The following ZNF662 variants were observed in gnomAD, a reference collection of about 807,000 sequenced individuals.
The protein encoded by ZNF662 is zinc finger protein 662.
ZNF662 carries 14 observed loss-of-function variants against 12.4 expected under a neutral mutation model. The observed-to-expected ratio is 1.13, with a 90% CI of 0.75 to 1.77. ZNF662 has a LOEUF of 1.77. Among genes scored for constraint, ZNF662 ranks in the 40% most tolerant of loss-of-function variants. The pLI, the probability that ZNF662 is intolerant of heterozygous loss-of-function variation, is 0.00. For missense variants in ZNF662, 550 were observed against 515.6 expected, an observed-to-expected ratio of 1.07 and a Z score of -0.65; for synonymous variants, 184 against 176.4, an observed-to-expected ratio of 1.04 and a Z score of -0.34.
Position 42,915,112 on chromosome 3 carries a change from C to A in ZNF662, c.1039C>A (p.Leu347Ile). ...GAAGGGCTTCATGTGGAACTCAGAT[C>A]TTTCTCAGCACCAGAGGGTCCACAC... ...CGKGFMWNSD[L>I]SQHQRVHTGD... is the part of the protein sequence containing the mutation. The change falls in exon 5 of 5, where the codon CTT (leucine) becomes ATT (isoleucine). Residue 347 changes from leucine (L) to isoleucine (I), a missense_variant. Leu to Ile is a conservative substitution (Grantham distance 5). Coordinates refer to ENST00000440367, the MANE Select transcript of ZNF662 (RefSeq NM_207404.4). The A allele has an allele frequency of 6.2e-7, 1 of 1,614,106 alleles. No homozygotes were observed. Among genetic ancestry groups the A allele is most frequent in the Non-Finnish European group, 8.5e-7 (1 of 1,180,012 alleles).
intron 3 of ZNF662, among the ~76,000 whole-genome samples, 153 bp downstream of exon 3, chr3:42,909,062 TA>T (rs905876858): frequency 1.6e-4 from 25 of 152,340 alleles, no homozygotes; most frequent in African/African-American, 5.5e-4. Flanking sequence ...CTTCTTTTTT[TA>T]AAAAAATTTT....
chr3:42,913,771 T>C (rs2088860886), intron 4 of ZNF662, among the ~76,000 whole-genome samples: 1 of 151,460 alleles, frequency 6.6e-6, no homozygotes, highest in Admixed American at 6.6e-5. Flanking sequence ...GAGGAGGGAG[T>C]CTTTTCCGAG....
rs2088718062 is a variant in ZNF662, at chr3:42,908,583, A to G, written c.35-210A>G. The G allele has an allele frequency of 5.0e-6, 7 of 1,400,734 alleles. No individual in the cohort carries two copies. The South Asian group carries it at 1.2e-4, about 23-fold the overall frequency. 86.8% of individuals were successfully genotyped at this position (1,400,734 alleles called of 1,614,324 possible). On this transcript the variant is annotated intron_variant, in intron 2 of 4. Coordinates refer to ENST00000440367, the MANE Select transcript of ZNF662 (RefSeq NM_207404.4). Reference sequence around the variant, plus strand: ...AGTGAAATCATCCATTTGCTGACTCAAACAGTTACTGAGTCGTCTGTCAAC... The same window carrying G: ...AGTGAAATCATCCATTTGCTGACTCGAACAGTTACTGAGTCGTCTGTCAAC...
At chr3:42,910,160 G>A (rs1225321498) in intron 3 of ZNF662, among the ~76,000 whole-genome samples, 1 of 152,102 alleles carries the variant, frequency 6.6e-6, no homozygotes, top group Non-Finnish European at 1.5e-5. Flanking sequence ...AGACCAGCCC[G>A]GCCAACACGG....
At chr3:42,913,655 TATCCTGGAA>T (rs2088859346) in intron 4 of ZNF662, among the ~76,000 whole-genome samples, 1 of 152,202 alleles carries the variant, frequency 6.6e-6, no homozygotes. Flanking sequence ...ATATGGCCCT[TATCCTGGAA>T]GGACTCACAG....
Position 42,908,146 on chromosome 3 carries a change from T to C in ZNF662, c.32T>C (p.Leu11Pro). The change falls in exon 2 of 5, where the codon CTG becomes CCG. Residue 11 changes from leucine to proline, a missense_variant and splice_region_variant. Physicochemically the swap from Leu to Pro is moderately conservative, Grantham distance 98. Transcript: ENST00000440367. MLENYGAVAS[L>P]AAFPFPKPAL... Reference sequence around the variant, plus strand: ...GAGAATTATGGGGCTGTGGCTTCCCTGGGTAAGGGTCTCTCCCTTTGGGCC... The same window carrying C: ...GAGAATTATGGGGCTGTGGCTTCCCCGGGTAAGGGTCTCTCCCTTTGGGCC... 6.2e-7 allele frequency: 1 copy of C among 1,612,896 alleles called. No homozygotes were observed. The highest frequency in any genetic ancestry group is 8.5e-7 in the Non-Finnish European group (1 of 1,179,106).
At chr3:42,912,227 AAT>A (rs990914095) in intron 3 of ZNF662, among the ~76,000 whole-genome samples, 2 of 134,732 alleles carry the variant, frequency 1.5e-5, no homozygotes, top group African/African-American at 5.5e-5. Context: ...ATATAAATAA[AAT>A]ATATATAAAT....
Position 42,908,779 on chromosome 3 carries a change from T to C in ZNF662, c.35-14T>C. ...ATGCCACTCACCTGCCTGTCCCATT[T>C]CTTTCCTTTTAAGCAGCATTTCCAT... On this transcript the variant is annotated splice_polypyrimidine_tract_variant and intron_variant, in intron 2 of 4. Transcript: ENST00000440367. 2.5e-6 allele frequency: 4 copies of C among 1,612,704 alleles called. No homozygotes were observed. The highest frequency in any genetic ancestry group is 3.4e-6 in the Non-Finnish European group (4 of 1,178,810).
chr3:42,910,663 T>G (rs1476076246), intron 3 of ZNF662, among the ~76,000 whole-genome samples: 1 of 152,186 alleles, frequency 6.6e-6, no homozygotes, highest in African/African-American at 2.4e-5. Flanking sequence ...CTGGGATTAC[T>G]TTAGGCCCAA....
chr3:42,915,390 A>C lies in ZNF662; in HGVS notation c.*36A>C. 6.6e-7 allele frequency: 1 copy of C among 1,514,360 alleles called. No homozygotes were observed. The highest frequency in any genetic ancestry group is 8.8e-7 in the Non-Finnish European group (1 of 1,131,600). 93.8% of individuals were successfully genotyped at this position (1,514,360 alleles called of 1,614,324 possible). A position where few individuals can be genotyped will look rare whatever the true frequency, so the allele number is the denominator to read the frequency against. ...ATGGTGATACTTGTTTATAATTCTT[A>C]TGCTGCAGGAACCCTAGAGACAAAA... On this transcript the variant is annotated 3_prime_UTR_variant, in exon 5 of 5. Transcript: ENST00000440367.
chr3:42,914,822 G>C lies in ZNF662; in HGVS notation c.749G>C (p.Cys250Ser). The C allele has an allele frequency of 6.2e-7, 1 of 1,614,146 alleles. No homozygotes were observed. The highest frequency in any genetic ancestry group is 8.5e-7 in the Non-Finnish European group (1 of 1,180,028). Residue 250 changes from cysteine (C) to serine (S), a missense_variant, in exon 5 of 5, where the codon TGT becomes TCT. Physicochemically the swap from Cys to Ser is moderately radical, Grantham distance 112. Transcript: ENST00000440367. Reference protein sequence around the residue: ...RIHSGVKPYECQECAKAFVWK... With the variant: ...RIHSGVKPYESQECAKAFVWK... Reference sequence around the variant, plus strand: ...CACAGTGGGGTGAAACCCTATGAATGTCAAGAATGTGCTAAGGCCTTTGTT... The same window carrying C: ...CACAGTGGGGTGAAACCCTATGAATCTCAAGAATGTGCTAAGGCCTTTGTT...
At chr3:42,908,294 G>T in intron 2 of ZNF662, 146 bp downstream of exon 2, 1 of 1,424,374 alleles carries the variant, frequency 7.0e-7, no homozygotes, top group Non-Finnish European at 9.2e-7. Flanking sequence ...CTCAGCAGCC[G>T]TTGGAAAGTA....
rs566747172 is a variant in ZNF662, at chr3:42,918,403, C to G, written c.*3049C>G. Reference sequence around the variant, plus strand: ...AGGCCACCACACATGAGCTGAAGAGCCTAGTCTTCTCCCCCTGCATGAATT... The same window carrying G: ...AGGCCACCACACATGAGCTGAAGAGGCTAGTCTTCTCCCCCTGCATGAATT... On this transcript the variant is annotated 3_prime_UTR_variant, in exon 5 of 5. Transcript: ENST00000440367. Among the ~76,000 whole-genome samples, 2 of 152,214 alleles carry G rather than the reference C, an allele frequency of 1.3e-5. No individual in the cohort carries two copies. The highest frequency in any genetic ancestry group is 4.8e-5 in the African/African-American group (2 of 41,562).
rs951269159 is a variant in ZNF662 at position 42,918,755 on chromosome 3, A to G, written c.*3401A>G. Among the ~76,000 whole-genome samples the G allele has an allele frequency of 6.6e-6, 1 of 152,196 alleles. No individual in the cohort carries two copies. Among genetic ancestry groups the G allele is most frequent in the Admixed American group, 6.5e-5 (1 of 15,282 alleles). ...AGAGGCCTATCTAAGGGTCCCTGGTAAAAGGTGGCCATCATTTGAGGTTCC... is the reference window on the plus strand; with the variant it reads ...AGAGGCCTATCTAAGGGTCCCTGGTGAAAGGTGGCCATCATTTGAGGTTCC... On this transcript the variant is annotated 3_prime_UTR_variant, in exon 5 of 5. Coordinates refer to ENST00000440367, the MANE Select transcript of ZNF662 (RefSeq NM_207404.4).
Position 42,914,888 on chromosome 3 carries a change from G to T in ZNF662, c.815G>T (p.Gly272Val). 6.2e-7 allele frequency: 1 copy of T among 1,614,166 alleles called. No homozygotes were observed. Among genetic ancestry groups the T allele is most frequent in the South Asian group, 1.1e-5 (1 of 91,074 alleles). ...NLIRHQRIHT[G>V]EKPFECKECG... ...ATTCGTCACCAGAGAATACATACTG[G>T]AGAGAAACCCTTTGAATGTAAGGAA... The change falls in exon 5 of 5, where the codon GGA (glycine) becomes GTA (valine). Residue 272 changes from glycine (G) to valine (V), a missense_variant. Gly to Val is a moderately radical substitution (Grantham distance 109, BLOSUM62 -3). Coordinates refer to ENST00000440367, the MANE Select transcript of ZNF662 (RefSeq NM_207404.4).
At chr3:42,909,021 A>C (rs1225178406) in intron 3 of ZNF662, 112 bp downstream of exon 3, 2 of 637,192 alleles carry the variant, frequency 3.1e-6, no homozygotes, top group Non-Finnish European at 5.0e-6. Context: ...GTGGGATTGC[A>C]TTTCTTCTCT....
chr3:42,914,421 G>T lies in ZNF662; in HGVS notation c.348G>T (p.Gln116His), dbSNP rs749716727. ...QDLMVLSSGP[Q>H]WCGSQELWFG... ...TCATGGTCCTATCAAGTGGACCCCA[G>T]TGGTGTGGATCCCAGGAATTATGGT... The change falls in exon 5 of 5, where the codon CAG becomes CAT. Residue 116 changes from glutamine to histidine, a missense_variant. By Grantham distance (24) the Gln-to-His change is conservative. Transcript: ENST00000440367. 7 of 1,613,878 alleles carry T rather than the reference G, an allele frequency of 4.3e-6. No homozygotes were observed. Among genetic ancestry groups the T allele is most frequent in the Non-Finnish European group, 5.9e-6 (7 of 1,179,980 alleles).
At chr3:42,908,387 T>C in intron 2 of ZNF662, 1 of 1,319,848 alleles carries the variant, frequency 7.6e-7, no homozygotes, top group African/African-American at 1.5e-5. Context: ...CCTTGTGTTG[T>C]GGGTATAGTG....
rs1387333624 is a variant in ZNF662, at chr3:42,916,286, C to T, written c.*932C>T. 6.6e-6 allele frequency: 1 copy of T among 151,778 alleles called. No individual in the cohort carries two copies. The highest frequency in any genetic ancestry group is 1.5e-5 in the Non-Finnish European group (1 of 67,972). The allele number at this position is 151,778 out of a possible 1,614,324, so 9.4% of individuals were successfully genotyped here. A position where few individuals can be genotyped will look rare whatever the true frequency, so the allele number is the denominator to read the frequency against. On this transcript the variant is annotated 3_prime_UTR_variant, in exon 5 of 5. Coordinates refer to ENST00000440367, the MANE Select transcript of ZNF662 (RefSeq NM_207404.4). ...TGCAGTTAAATTGTGAACTCTAAGA[C>T]CTTTTCTTCAGAAGTTGCTTTCCTT...
Sources: gnomAD v4.1 joint callset for allele counts (sites outside exome capture counted in the v4.1 genomes callset) on GRCh38, gnomAD v4.1.1 for gene constraint, MANE v1.5 for transcripts, NCBI Gene and HGNC (gene_info 2026-07-23, HGNC 2026-07-21) for gene names.